Variants in GAB1 observed in about 807,000 individuals in gnomAD.
The protein encoded by GAB1 is GRB2-associated-binding protein 1.
Under a neutral mutation model 66.5 loss-of-function variants are expected in GAB1, and 19 were observed. That is an observed-to-expected ratio of 0.29 (90% CI 0.20 to 0.42). GAB1 has a LOEUF of 0.42. Among genes scored for constraint, GAB1 ranks in the 10% least tolerant of loss-of-function variants. GAB1 has a pLI of 1.00. For synonymous variants in GAB1, 294 were observed against 301.4 expected (o/e 0.98, Z 0.25); for missense variants, 732 against 858.5 (o/e 0.85, Z 1.84).
intron 1 of GAB1, chr4:143,349,438 G>T: frequency 8.4e-7 from 1 of 1,188,722 alleles, no homozygotes; most frequent in South Asian, 1.2e-5. Flanking sequence ...GGCATCAAAG[G>T]TGGCCTTGGC....
In GAB1 at chr4:143,433,706, G is replaced by A. The variant is rs754987077; in HGVS notation, c.583G>A (p.Glu195Lys). The A allele has an allele frequency of 4.5e-5, 72 of 1,613,018 alleles. No homozygotes were observed. Among genetic ancestry groups the A allele is most frequent in the South Asian group, 9.9e-5 (9 of 91,052 alleles). ...LLINCQSKKP[E>K]PTRTHADSAK... ...CATCAACTGTCAAAGCAAGAAGCCC[G>A]AACCCACCAGGTAAATTATATATGC... Residue 195 changes from glutamate (E) to lysine (K), a missense_variant, in exon 3 of 10, where the codon GAA becomes AAA. By Grantham distance (56) the Glu-to-Lys change is moderately conservative (BLOSUM62 1). This residue lies in a region of GAB1 where 427 missense variants were observed against 420.6 expected (regional missense o/e 1.02). Coordinates refer to ENST00000262994, the MANE Select transcript of GAB1 (RefSeq NM_002039.4).
intron 1 of GAB1, among the ~76,000 whole-genome samples, chr4:143,370,484 G>C (rs143721981): frequency 5.0e-4 from 76 of 152,320 alleles, no homozygotes; most frequent in African/African-American, 1.7e-3. Flanking sequence ...TTGGAGTTAA[G>C]TGGAAACAGT....
At chr4:143,431,113 CTACA>C (rs1733628034) in intron 2 of GAB1, among the ~76,000 whole-genome samples, 1 of 152,094 alleles carries the variant, frequency 6.6e-6, no homozygotes, top group Non-Finnish European at 1.5e-5. Context: ...ACATATATAG[CTACA>C]CAGACAGGCA....
At chr4:143,455,400 C>T (rs1297057443) in intron 6 of GAB1, among the ~76,000 whole-genome samples, 1 of 152,136 alleles carries the variant, frequency 6.6e-6, no homozygotes, top group Non-Finnish European at 1.5e-5. Context: ...ATTTAGCAGT[C>T]ATGTGACCTT....
chr4:143,367,739 T>TTTG (rs1729949008), intron 1 of GAB1, among the ~76,000 whole-genome samples: 2 of 149,102 alleles, frequency 1.3e-5, no homozygotes, highest in African/African-American at 5.0e-5. Context: ...TTTTTTTTTT[T>TTTG]TTGGAGACAG....
rs547920211 is a variant in GAB1, at chr4:143,470,913, T to G, written c.*1724T>G. 2.0e-5 allele frequency: 3 copies of G among 152,208 alleles called. No homozygotes were observed. Among genetic ancestry groups the G allele is most frequent in the Admixed American group, 6.5e-5 (1 of 15,270 alleles). 9.4% of individuals were successfully genotyped at this position (152,208 alleles called of 1,614,324 possible). A position where few individuals can be genotyped will look rare whatever the true frequency, so the allele number is the denominator to read the frequency against. On this transcript the variant is annotated 3_prime_UTR_variant, in exon 10 of 10. Coordinates refer to ENST00000262994, the MANE Select transcript of GAB1 (RefSeq NM_002039.4). ...ATGCTTTTAAATATTTGCTTCTTTT[T>G]AAACAAAAACTAAAACCCAGAAGTG...
At chr4:143,437,881 C>T (rs1734014528) in intron 3 of GAB1, 118 bp from the exon 4 acceptor site, 1 of 1,006,350 alleles carries the variant, frequency 9.9e-7, no homozygotes, top group Non-Finnish European at 1.5e-6. Context: ...CTATGGATCA[C>T]ACAAAAAATC....
chr4:143,472,853 G>A lies in GAB1; in HGVS notation c.*3664G>A, dbSNP rs767058687. ...ACAACTACTGTCAATAACATCTGAT[G>A]TTACATGCACATTTATATATATATA... On this transcript the variant is annotated 3_prime_UTR_variant, in exon 10 of 10. Coordinates refer to ENST00000262994, the MANE Select transcript of GAB1 (RefSeq NM_002039.4). 3 of 152,124 alleles carry A rather than the reference G, an allele frequency of 2.0e-5. No individual in the cohort carries two copies. The highest frequency in any genetic ancestry group is 4.8e-5 in the African/African-American group (2 of 41,424). 9.4% of individuals were successfully genotyped at this position (152,124 alleles called of 1,614,324 possible).
At chr4:143,370,994 T>C (rs1018585027) in intron 1 of GAB1, among the ~76,000 whole-genome samples, 4 of 152,252 alleles carry the variant, frequency 2.6e-5, no homozygotes, top group Non-Finnish European at 5.9e-5. Flanking sequence ...TTGTGAATAG[T>C]GACGCAATAA....
chr4:143,447,511 A>C (rs967460117), intron 6 of GAB1, among the ~76,000 whole-genome samples: 12 of 152,270 alleles, frequency 7.9e-5, no homozygotes, highest in Admixed American at 2.6e-4. Context: ...GGTCCTTCAC[A>C]TCCCTTGTAA....
chr4:143,398,506 A>G (rs1002749764), intron 1 of GAB1, among the ~76,000 whole-genome samples: 9 of 152,332 alleles, frequency 5.9e-5, no homozygotes, highest in Non-Finnish European at 1.3e-4. Context: ...AGAAATCAAG[A>G]AACAGAATAG....
In GAB1 at chr4:143,470,330, A is replaced by T. The variant is rs541957105; in HGVS notation, c.*1141A>T. On this transcript the variant is annotated 3_prime_UTR_variant, in exon 10 of 10. Transcript: ENST00000262994. Reference sequence around the variant, plus strand: ...AAAAAAAATAGATGTTATATAAGTGATTCTCGTATGTAGCACCTGTTGCTT... The same window carrying T: ...AAAAAAAATAGATGTTATATAAGTGTTTCTCGTATGTAGCACCTGTTGCTT... 6.6e-6 allele frequency: 1 copy of T among 152,150 alleles called. No homozygotes were observed. Among genetic ancestry groups the T allele is most frequent in the Non-Finnish European group, 1.5e-5 (1 of 68,030 alleles). The allele number at this position is 152,150 out of a possible 1,614,324, so 9.4% of individuals were successfully genotyped here.
chr4:143,472,134 TG>T lies in GAB1; in HGVS notation c.*2947del. 1 of 152,342 alleles carries T rather than the reference TG, an allele frequency of 6.6e-6. No homozygotes were observed. The highest frequency in any genetic ancestry group is 1.5e-5 in the Non-Finnish European group (1 of 68,018). 9.4% of individuals were successfully genotyped at this position (152,342 alleles called of 1,614,324 possible). A position where few individuals can be genotyped will look rare whatever the true frequency, so the allele number is the denominator to read the frequency against. On this transcript the variant is annotated 3_prime_UTR_variant, in exon 10 of 10. Coordinates refer to ENST00000262994, the MANE Select transcript of GAB1 (RefSeq NM_002039.4). Reference sequence around the variant, plus strand: ...AAACTTGAAAAAGCTGTTTAACCCATGGAAGATATCATTTAGTAAGATGTAA... The same window carrying T: ...AAACTTGAAAAAGCTGTTTAACCCATGAAGATATCATTTAGTAAGATGTAA...
intron 1 of GAB1, among the ~76,000 whole-genome samples, chr4:143,357,952 C>T (rs1188129422): frequency 6.6e-6 from 1 of 151,430 alleles, no homozygotes; most frequent in African/African-American, 2.4e-5. Flanking sequence ...TAAATCTCTC[C>T]TTTAGTGGAA....
intron 1 of GAB1, among the ~76,000 whole-genome samples, chr4:143,390,862 A>G (rs1731154609): frequency 1.3e-5 from 2 of 152,148 alleles, no homozygotes; most frequent in South Asian, 4.1e-4. Flanking sequence ...ATAGTCAAAG[A>G]TAGGTCGCAG....
chr4:143,413,801 A>G (rs1732520228), intron 1 of GAB1, among the ~76,000 whole-genome samples: 2 of 141,388 alleles, frequency 1.4e-5, no homozygotes, highest in East Asian at 2.0e-4. Flanking sequence ...CACTTCCCAG[A>G]GCATCCCCAC....
intron 2 of GAB1, among the ~76,000 whole-genome samples, chr4:143,416,871 G>A (rs28925895): frequency 0.012 from 1,785 of 152,266 alleles, 35 homozygotes; most frequent in African/African-American, 0.041. Context: ...CAAGGTCATC[G>A]CCAAGGTCTG....
chr4:143,468,614 A>G (rs1232113710), intron 9 of GAB1, among the ~76,000 whole-genome samples: 1 of 151,976 alleles, frequency 6.6e-6, no homozygotes. Flanking sequence ...TTTTTTGTGT[A>G]TGACCCAGAA....
At chr4:143,425,739 G>A in intron 2 of GAB1, 1 of 760,410 alleles carries the variant, frequency 1.3e-6, no homozygotes, top group Non-Finnish European at 2.4e-6. Flanking sequence ...TGAATGGACT[G>A]CTCCAGCTCC....
Sources: allele counts gnomAD v4.1 joint callset (sites outside exome capture counted in the v4.1 genomes callset), GRCh38; gene constraint gnomAD v4.1.1; regional missense constraint gnomAD v4.1.1; transcripts MANE v1.5; gene names NCBI Gene and HGNC (gene_info 2026-07-23, HGNC 2026-07-21).